SLC35A5: variants seen among roughly 807,000 people sequenced by gnomAD.
SLC35A5 encodes solute carrier family 35 member A5, also known as UDP-sugar transporter protein SLC35A5.
SLC35A5 carries 28 observed loss-of-function variants against 36.3 expected under a neutral mutation model. The ratio of observed to expected loss-of-function variants is 0.77; its 90% CI spans 0.57 to 1.06. SLC35A5 has a LOEUF of 1.06. Among genes scored for constraint, SLC35A5 ranks in the 50% least tolerant of loss-of-function variants. The pLI is 0.00. For missense variants in SLC35A5, 521 were observed against 499.3 expected (o/e 1.04, Z -0.41); for synonymous variants, 180 against 173.7 (o/e 1.04, Z -0.29).
intron 2 of SLC35A5, among the ~76,000 whole-genome samples, chr3:112,563,844 T>C (rs1319725834): frequency 1.4e-5 from 2 of 147,268 alleles, no homozygotes; most frequent in African/African-American, 5.4e-5. Flanking sequence ...TTGCGCCTTA[T>C]TTTGAAGTAG....
In SLC35A5 at chr3:112,572,086, G is replaced by T. The variant is rs192399714; in HGVS notation, c.360+1416G>T. Among the ~76,000 whole-genome samples the T allele has an allele frequency of 9.5e-3, 1,424 of 150,452 alleles. 15 individuals are homozygous for T. The highest frequency in any genetic ancestry group is 0.016 in the Non-Finnish European group (1,097 of 67,582). On this transcript the variant is annotated intron_variant, in intron 4 of 6. Coordinates refer to ENST00000492406, the MANE Select transcript of SLC35A5 (RefSeq NM_017945.5). Reference sequence around the variant, plus strand: ...GCCTCCCGAGTAGCTGGGACTACAGGCGCCCGCCACCGCGCCCGGCTAATT... The same window carrying T: ...GCCTCCCGAGTAGCTGGGACTACAGTCGCCCGCCACCGCGCCCGGCTAATT...
At chr3:112,568,244 G>A (rs1403945988) in intron 2 of SLC35A5, among the ~76,000 whole-genome samples, 2 of 152,152 alleles carry the variant, frequency 1.3e-5, no homozygotes, top group Non-Finnish European at 2.9e-5. Context: ...ACAGGAGAGT[G>A]GAAGAAAGTG....
chr3:112,570,355 G>GT, intron 3 of SLC35A5, 185 bp from the exon 4 acceptor site: 1 of 483,370 alleles, frequency 2.1e-6, no homozygotes, highest in Non-Finnish European at 3.5e-6. Flanking sequence ...AGGATAACCA[G>GT]TAGTCCTAAG....
At position 112,583,189 on chromosome 3, in the gene SLC35A5, A is replaced by G. The variant is rs1298047136; in HGVS notation, c.*453A>G. 2.5e-6 allele frequency: 1 copy of G among 398,174 alleles called. No homozygotes were observed. Among genetic ancestry groups the G allele is most frequent in the Non-Finnish European group, 4.4e-6 (1 of 225,756 alleles). 24.7% of individuals were successfully genotyped at this position (398,174 alleles called of 1,614,324 possible). A position where few individuals can be genotyped will look rare whatever the true frequency, so the allele number is the denominator to read the frequency against. The stretch of plus-strand genomic sequence containing the variant: ...TCTTGAATTTTGAGGCCCTAGAGAT[A>G]GTCATTTTGCAAGTAAAGAGCAACG... On this transcript the variant is annotated 3_prime_UTR_variant, in exon 7 of 7. Transcript: ENST00000492406.
chr3:112,581,078 G>C lies in SLC35A5; in HGVS notation c.961G>C (p.Ala321Pro). The C allele has an allele frequency of 1.2e-6, 2 of 1,614,008 alleles. No homozygotes were observed. The highest frequency in any genetic ancestry group is 1.7e-6 in the Non-Finnish European group (2 of 1,179,942). Residue 321 changes from alanine to proline, a missense_variant, in exon 6 of 7, where the codon GCT becomes CCT. Physicochemically the swap from Ala to Pro is conservative, Grantham distance 27. Transcript: ENST00000492406. The part of the protein sequence containing the change: ...FVTAFQGLSV[A>P]FILKFLDNMF... Reference sequence around the variant, plus strand: ...AACTGCATTCCAGGGCCTTTCAGTGGCTTTCATTCTGAAGTTCCTGGATAA... The same window carrying C: ...AACTGCATTCCAGGGCCTTTCAGTGCCTTTCATTCTGAAGTTCCTGGATAA...
At chr3:112,565,245 T>C (rs140370243) in intron 2 of SLC35A5, among the ~76,000 whole-genome samples, 11 of 152,342 alleles carry the variant, frequency 7.2e-5, no homozygotes, top group African/African-American at 2.2e-4. Context: ...ATAATTGATA[T>C]ATCCTGAAGA....
intron 5 of SLC35A5, among the ~76,000 whole-genome samples, chr3:112,579,411 C>G (rs1475342394): frequency 6.6e-6 from 1 of 151,758 alleles, no homozygotes; most frequent in Non-Finnish European, 1.5e-5. Context: ...CTCTTTTTTT[C>G]TCGGTGTTCC....
chr3:112,581,131 T>TA lies in SLC35A5; in HGVS notation c.1015dup (p.Thr339AsnfsTer14). On this transcript the variant is annotated frameshift_variant, in exon 6 of 7. Coordinates refer to ENST00000492406, the MANE Select transcript of SLC35A5 (RefSeq NM_017945.5). LOFTEE classifies it high-confidence loss of function. ...TGTTCCATGTCTTGATGGCCCAGGT[T>TA]ACCACTGTCATTATCACAACAGTGT... The TA allele has an allele frequency of 6.2e-6, 10 of 1,614,074 alleles. No individual in the cohort carries two copies. The highest frequency in any genetic ancestry group is 8.5e-6 in the Non-Finnish European group (10 of 1,179,942).
chr3:112,566,657 A>G (rs1207983357), intron 2 of SLC35A5, among the ~76,000 whole-genome samples: 1 of 152,248 alleles, frequency 6.6e-6, no homozygotes, highest in Admixed American at 6.5e-5. Flanking sequence ...CAACATCATG[A>G]TAAGCTAAAG....
chr3:112,567,216 ACT>A (rs774468672), intron 2 of SLC35A5, among the ~76,000 whole-genome samples: 1 of 151,552 alleles, frequency 6.6e-6, no homozygotes, highest in East Asian at 1.9e-4. Flanking sequence ...ACAGAGCAAG[ACT>A]CTGTCTCAAA....
chr3:112,577,644 C>A (rs1465175767), intron 5 of SLC35A5, among the ~76,000 whole-genome samples: 1 of 152,156 alleles, frequency 6.6e-6, no homozygotes, highest in Non-Finnish European at 1.5e-5. Flanking sequence ...ATATAAGTTT[C>A]TCTGATTTCC....
chr3:112,581,466 T>C, intron 6 of SLC35A5, 140 bp downstream of exon 6: 1 of 866,224 alleles, frequency 1.2e-6, no homozygotes. Flanking sequence ...TCAACAAACA[T>C]TCCTTTTACT....
intron 5 of SLC35A5, among the ~76,000 whole-genome samples, chr3:112,578,038 T>C (rs1053993268): frequency 2.6e-5 from 4 of 152,226 alleles, no homozygotes; most frequent in East Asian, 3.8e-4. Context: ...GGAAAACTTA[T>C]AGTGATGAAT....
chr3:112,581,096 C>G lies in SLC35A5; in HGVS notation c.979C>G (p.Leu327Val). The G allele has an allele frequency of 1.2e-6, 2 of 1,613,974 alleles. No homozygotes were observed. The highest frequency in any genetic ancestry group is 1.7e-6 in the Non-Finnish European group (2 of 1,179,950). Residue 327 changes from leucine (L) to valine (V), a missense_variant, in exon 6 of 7, where the codon CTG becomes GTG. Physicochemically the swap from Leu to Val is conservative, Grantham distance 32. Coordinates refer to ENST00000492406, the MANE Select transcript of SLC35A5 (RefSeq NM_017945.5). ...GLSVAFILKF[L>V]DNMFHVLMAQ... ...TTCAGTGGCTTTCATTCTGAAGTTC[C>G]TGGATAACATGTTCCATGTCTTGAT... is the stretch of plus-strand genomic sequence containing the variant.
intron 2 of SLC35A5, among the ~76,000 whole-genome samples, chr3:112,567,901 AT>A (rs950549343): frequency 6.6e-6 from 1 of 152,248 alleles, no homozygotes; most frequent in African/African-American, 2.4e-5. Context: ...ATCATGATGG[AT>A]CATGAGAAGT....
intron 3 of SLC35A5, among the ~76,000 whole-genome samples, chr3:112,569,499 G>A (rs1281148644): frequency 1.3e-5 from 2 of 152,216 alleles, no homozygotes; most frequent in African/African-American, 2.4e-5. Context: ...GTTTCCTAAT[G>A]CCCTTCCTAT....
Position 112,580,668 on chromosome 3 carries a change from C to T in SLC35A5, c.551C>T (p.Ala184Val), listed in dbSNP as rs774592568. The change falls in exon 6 of 7, where the codon GCC becomes GTC. Residue 184 changes from alanine (A) to valine (V), a missense_variant. Ala to Val is a moderately conservative substitution (Grantham distance 64, BLOSUM62 0). Transcript: ENST00000492406. ...NLAGRGFHHD[A>V]FFSPSNSCLL... is the part of the protein sequence containing the mutation. ...GCAGGACGTGGATTTCATCACGATG[C>T]CTTTTTCAGCCCTTCCAATTCCTGC... is the stretch of plus-strand genomic sequence containing the variant. 5.6e-6 allele frequency: 9 copies of T among 1,613,994 alleles called. No homozygotes were observed. The highest frequency in any genetic ancestry group is 4.2e-6 in the Non-Finnish European group (5 of 1,179,964).
chr3:112,566,966 C>A (rs151252889), intron 2 of SLC35A5, among the ~76,000 whole-genome samples: 2,134 of 152,288 alleles, frequency 0.014, 53 homozygotes, highest in African/African-American at 0.049. Flanking sequence ...GTGGCTCACG[C>A]CTATAATCCC....
At position 112,568,762 on chromosome 3, in the gene SLC35A5, A is replaced by G. The variant is rs549917503; in HGVS notation, c.131-409A>G. 2.0e-5 allele frequency among the ~76,000 whole-genome samples: 3 copies of G among 152,362 alleles called. No homozygotes were observed. The South Asian group carries it at 6.2e-4, about 32-fold the overall frequency. ...AGTGTACCTCAATTTTAGCAAGGCA[A>G]AGAAATCACAAGAAGAATTATGAGC... On this transcript the variant is annotated intron_variant, in intron 2 of 6. Transcript: ENST00000492406.
Sources: allele counts gnomAD v4.1 joint callset (sites outside exome capture counted in the v4.1 genomes callset), GRCh38; gene constraint gnomAD v4.1.1; transcripts MANE v1.5; gene names NCBI Gene and HGNC (gene_info 2026-07-23, HGNC 2026-07-21).